The following DNAH14 variants were observed in gnomAD, a reference collection of about 807,000 sequenced individuals.
DNAH14 encodes axonemal beta dynein heavy chain 14.
A neutral mutation model predicts 520.9 loss-of-function variants in DNAH14; 478 were observed. The observed-to-expected ratio is 0.92, with a 90% confidence interval of 0.85 to 0.99. The LOEUF (loss-of-function observed/expected upper bound fraction) is 0.99, where lower values mean the gene tolerates loss of function less well. Ranked by LOEUF, DNAH14 falls within the 50% of genes least tolerant of loss-of-function variation. The probability of loss-of-function intolerance (pLI) is 0.00; values close to 1 mark genes in which losing one functional copy is unlikely to be tolerated. For synonymous variants in DNAH14, 1,581 were observed against 1,757.2 expected, an observed-to-expected ratio of 0.90 and a Z score of 2.51; for missense variants, 4,831 against 5,234.5, an observed-to-expected ratio of 0.92 and a Z score of 2.38.
intron 38 of DNAH14, among the ~76,000 whole-genome samples, chr1:225,203,590 G>A (rs544411124): frequency 3.3e-5 from 5 of 152,256 alleles, no homozygotes; most frequent in African/African-American, 9.6e-5. Context: ...CCCATCTCAA[G>A]ATAATAAGGA....
chr1:225,226,267 A>G (rs1053816322), intron 41 of DNAH14, among the ~76,000 whole-genome samples: 8 of 152,178 alleles, frequency 5.3e-5, no homozygotes, highest in Non-Finnish European at 8.8e-5. Context: ...TTAATGGCAC[A>G]CATTGGACTA....
At chr1:225,306,302 G>C (rs969730462) in intron 58 of DNAH14, among the ~76,000 whole-genome samples, 12 of 152,144 alleles carry the variant, frequency 7.9e-5, no homozygotes, top group African/African-American at 2.9e-4. Flanking sequence ...ATATAATAAT[G>C]AGGCTAAAGA....
rs1487582517 is a variant in DNAH14, at chr1:225,275,332, T to C, written c.8011-582T>C. Among the ~76,000 whole-genome samples, 6 of 152,326 alleles carry C rather than the reference T, an allele frequency of 3.9e-5. No homozygotes were observed. In the South Asian group the frequency reaches 1.2e-3, roughly 32 times the overall value. On this transcript the variant is annotated intron_variant, in intron 52 of 85. Transcript: ENST00000682510. Reference sequence around the variant, plus strand: ...GTGCAATGCATTTCTGTCAGTGCTATAACGTCAGTGCTGTGACAGACCTAT... The same window carrying C: ...GTGCAATGCATTTCTGTCAGTGCTACAACGTCAGTGCTGTGACAGACCTAT...
chr1:225,259,186 G>A lies in DNAH14; in HGVS notation c.7090G>A (p.Ala2364Thr). The A allele has an allele frequency of 1.3e-6, 2 of 1,545,602 alleles. No homozygotes were observed. The highest frequency in any genetic ancestry group is 4.9e-5 in the East Asian group (2 of 40,620). Residue 2364 changes from alanine to threonine, a missense_variant, in exon 46 of 86, where the codon GCA (alanine) becomes ACA (threonine). By Grantham distance (58) the Ala-to-Thr change is moderately conservative. Coordinates refer to ENST00000682510, the MANE Select transcript of DNAH14 (RefSeq NM_001367479.1). The part of the protein sequence containing the change: ...QMLEKLEGPG[A>T]FDIKHGSILG... ...GCTTGAAAAGCTAGAGGGTCCAGGA[G>A]CATTTGACATAAAACATGGTTCAAT...
chr1:224,973,993 C>T, intron 7 of DNAH14, 98 bp from the exon 8 acceptor site: 2 of 708,102 alleles, frequency 2.8e-6, no homozygotes. Flanking sequence ...GAAATATGTT[C>T]TAGAGAATAT....
rs374386190 is a variant in DNAH14 at position 225,153,482 on chromosome 1, C to G, written c.5197-268C>G. Among the ~76,000 whole-genome samples, 5 of 152,212 alleles carry G rather than the reference C, an allele frequency of 3.3e-5. No individual in the cohort carries two copies. In the East Asian group the frequency reaches 9.6e-4, roughly 29 times the overall value. ...CTCTTTTAATTTTCTTTCAATTTAT[C>G]TCATTCTAGTTCAGAGAAAACTTAA... is the stretch of plus-strand genomic sequence containing the variant. On this transcript the variant is annotated intron_variant, in intron 33 of 85. Transcript: ENST00000682510.
intron 17 of DNAH14, among the ~76,000 whole-genome samples, chr1:225,053,289 A>G (rs997069331): frequency 6.6e-6 from 1 of 152,160 alleles, no homozygotes; most frequent in Non-Finnish European, 1.5e-5. Flanking sequence ...TCAAAAGAGA[A>G]CAAGGCATAC....
chr1:225,359,335 A>C (rs2095468140), intron 74 of DNAH14, among the ~76,000 whole-genome samples: 1 of 152,208 alleles, frequency 6.6e-6, no homozygotes, highest in South Asian at 2.1e-4. Context: ...CCTTATGTCT[A>C]TGTCTATGCA....
At chr1:225,229,113 G>C (rs1057107047) in intron 41 of DNAH14, among the ~76,000 whole-genome samples, 1 of 152,124 alleles carries the variant, frequency 6.6e-6, no homozygotes, top group Non-Finnish European at 1.5e-5. Flanking sequence ...ATAAATATGA[G>C]TGTAGCCGGC....
At chr1:225,222,669 T>A (rs574353954) in intron 41 of DNAH14, among the ~76,000 whole-genome samples, 1 of 152,184 alleles carries the variant, frequency 6.6e-6, no homozygotes, top group Non-Finnish European at 1.5e-5. Flanking sequence ...AGAACACTGG[T>A]GCATTTTACA....
intron 64 of DNAH14, among the ~76,000 whole-genome samples, chr1:225,327,163 T>C (rs1042445786): frequency 1.7e-4 from 26 of 149,802 alleles, no homozygotes; most frequent in African/African-American, 6.4e-4. Flanking sequence ...TTAGTAACTT[T>C]TTTTTTTTTT....
rs1275362141 is a variant in DNAH14 at position 225,398,609 on chromosome 1, C to G, written c.13581C>G (p.Asp4527Glu). The G allele has an allele frequency of 9.7e-6, 15 of 1,551,624 alleles. No individual in the cohort carries two copies. The South Asian group carries it at 1.7e-4, about 17-fold the overall frequency. The change falls in exon 85 of 86, where the codon GAC (aspartate) becomes GAG (glutamate). Residue 4527 changes from aspartate (D) to glutamate (E), a missense_variant. Transcript: ENST00000682510. ...ATCGTGAACAGAAAATACTGGAAGA[C>G]TCGCTGCCTCTGGAGATGTGCTGTG... ...RWNREQKILEDSLPLEMCCDF... is the reference protein window; with the variant it reads ...RWNREQKILEESLPLEMCCDF...
chr1:225,385,164 G>A (rs981585699), intron 81 of DNAH14, among the ~76,000 whole-genome samples: 13 of 151,928 alleles, frequency 8.6e-5, no homozygotes, highest in South Asian at 2.1e-4. Context: ...AAAGGCCTTC[G>A]ACAAAATTCA....
chr1:225,349,848 A>C (rs946489382), intron 71 of DNAH14, among the ~76,000 whole-genome samples: 4 of 152,170 alleles, frequency 2.6e-5, no homozygotes, highest in African/African-American at 9.6e-5. Context: ...ACCCAATAAT[A>C]GTAGGAGACT....
chr1:225,007,657 G>A (rs1027861620), intron 10 of DNAH14, 113 bp downstream of exon 10: 8 of 889,806 alleles, frequency 9.0e-6, no homozygotes, highest in Non-Finnish European at 1.2e-5. Flanking sequence ...AGGAACAAAG[G>A]TGGTTAATTA....
At chr1:224,975,900 T>C (rs900443931) in intron 8 of DNAH14, among the ~76,000 whole-genome samples, 14 of 152,092 alleles carry the variant, frequency 9.2e-5, no homozygotes, top group African/African-American at 1.4e-4. Context: ...GCTTTGAATG[T>C]GTCCCAGAGA....
intron 77 of DNAH14, 60 bp downstream of exon 77, chr1:225,368,092 C>G: frequency 7.3e-7 from 1 of 1,364,354 alleles, no homozygotes; most frequent in Non-Finnish European, 9.9e-7. Context: ...AAATTGAGAG[C>G]CTACTATGTG....
At chr1:224,992,455 A>AGTATTT (rs1228804958) in intron 8 of DNAH14, among the ~76,000 whole-genome samples, 1 of 151,922 alleles carries the variant, frequency 6.6e-6, no homozygotes, top group African/African-American at 2.4e-5. Flanking sequence ...TTTATTCCTA[A>AGTATTT]GTATTTTATT....
intron 60 of DNAH14, among the ~76,000 whole-genome samples, chr1:225,311,784 G>C (rs950112614): frequency 2.0e-5 from 3 of 152,128 alleles, no homozygotes; most frequent in African/African-American, 4.8e-5. Context: ...TGAGGCCTCT[G>C]TTCTGTTCCA....
Sources: allele counts gnomAD v4.1 joint callset (sites outside exome capture counted in the v4.1 genomes callset), GRCh38; gene constraint gnomAD v4.1.1; transcripts MANE v1.5; gene names NCBI Gene and HGNC (gene_info 2026-07-23, HGNC 2026-07-21).